The following TRPM3 variants were observed in gnomAD, a reference collection of about 807,000 sequenced individuals.
The protein encoded by TRPM3 is long transient receptor potential channel 3.
In TRPM3, 77 loss-of-function variants were observed where a neutral mutation model predicts 181.2. The ratio of observed to expected loss-of-function variants is 0.42; its 90% CI spans 0.35 to 0.51. TRPM3 has a LOEUF of 0.51. Among genes scored for constraint, TRPM3 ranks in the 20% least tolerant of loss-of-function variants. The probability of loss-of-function intolerance (pLI) is 0.01; values close to 1 mark genes in which losing one functional copy is unlikely to be tolerated. For missense variants in TRPM3, 1,759 were observed against 2,196.7 expected (o/e 0.80, Z 3.98); for synonymous variants, 745 against 796.4 (o/e 0.94, Z 1.09).
intron 1 of TRPM3, among the ~76,000 whole-genome samples, chr9:70,879,471 A>G (rs543701742): frequency 6.6e-6 from 1 of 152,112 alleles, no homozygotes; most frequent in East Asian, 1.9e-4. Flanking sequence ...TGGACTTCTA[A>G]GTACTTTGTT....
At chr9:71,109,465 C>T (rs139520663) in intron 1 of TRPM3, among the ~76,000 whole-genome samples, 3,621 of 152,096 alleles carry the variant, frequency 0.024, 155 homozygotes, top group Admixed American at 0.11. Context: ...TTGAAAGGAA[C>T]GGAATTCATA....
intron 1 of TRPM3, among the ~76,000 whole-genome samples, chr9:71,413,057 T>C (rs939609570): frequency 6.6e-6 from 1 of 152,034 alleles, no homozygotes; most frequent in Non-Finnish European, 1.5e-5. Context: ...ATGAGAACAC[T>C]TGGACACAGG....
At chr9:70,940,709 T>C (rs556991713) in intron 1 of TRPM3, among the ~76,000 whole-genome samples, 1 of 152,322 alleles carries the variant, frequency 6.6e-6, no homozygotes, top group South Asian at 2.1e-4. Context: ...GGAGATGGCA[T>C]TGGAACTAAC....
chr9:71,363,097 G>T (rs537287811), intron 1 of TRPM3, among the ~76,000 whole-genome samples: 3 of 152,286 alleles, frequency 2.0e-5, no homozygotes, highest in South Asian at 2.1e-4. Context: ...TGTACTAATG[G>T]TCCTTCATAC....
At chr9:71,053,271 A>T (rs2060271244) in intron 1 of TRPM3, among the ~76,000 whole-genome samples, 1 of 152,000 alleles carries the variant, frequency 6.6e-6, no homozygotes, top group African/African-American at 2.4e-5. Flanking sequence ...ATGCTAGGCT[A>T]CTAAGCTAAC....
chr9:70,563,821 T>C (rs1215495841), intron 22 of TRPM3, among the ~76,000 whole-genome samples: 5 of 152,192 alleles, frequency 3.3e-5, no homozygotes, highest in African/African-American at 1.2e-4. Context: ...AGTGTGGTCA[T>C]GTCTTCTGAT....
chr9:71,098,135 T>A (rs1189943460), intron 1 of TRPM3, among the ~76,000 whole-genome samples: 2 of 152,154 alleles, frequency 1.3e-5, no homozygotes, highest in African/African-American at 2.4e-5. Flanking sequence ...TATTTACTTA[T>A]CTCTTATTAG....
chr9:70,873,421 G>A (rs2095822484), intron 1 of TRPM3, among the ~76,000 whole-genome samples: 1 of 151,956 alleles, frequency 6.6e-6, no homozygotes, highest in Admixed American at 6.6e-5. Context: ...AGCATCTAAA[G>A]TCTGGCTCTG....
intron 1 of TRPM3, among the ~76,000 whole-genome samples, chr9:71,177,452 G>A (rs2077164499): frequency 6.6e-6 from 1 of 152,082 alleles, no homozygotes; most frequent in South Asian, 2.1e-4. Flanking sequence ...GCATAGCCTA[G>A]GCTATACCAT....
At chr9:70,545,648 G>C (rs1255862065) in intron 25 of TRPM3, among the ~76,000 whole-genome samples, 1 of 151,144 alleles carries the variant, frequency 6.6e-6, no homozygotes, top group Non-Finnish European at 1.5e-5. Flanking sequence ...CCGGGTTCAA[G>C]CGATTTTCCT....
chr9:71,232,489 G>GTTTTTT (rs1565367207), intron 1 of TRPM3, among the ~76,000 whole-genome samples: 3 of 89,960 alleles, frequency 3.3e-5, no homozygotes, highest in Non-Finnish European at 6.6e-5. Context: ...TGAATTCAGT[G>GTTTTTT]TCTTTTTTTT....
chr9:71,182,474 C>T (rs1365125263), intron 1 of TRPM3, among the ~76,000 whole-genome samples: 1 of 152,070 alleles, frequency 6.6e-6, no homozygotes, highest in Non-Finnish European at 1.5e-5. Flanking sequence ...TTTCTTCCCC[C>T]TTAACTTGGC....
chr9:70,640,062 T>A (rs1334539422), intron 10 of TRPM3, among the ~76,000 whole-genome samples: 1 of 152,152 alleles, frequency 6.6e-6, no homozygotes, highest in Non-Finnish European at 1.5e-5. Flanking sequence ...AGAACAGTTA[T>A]ATAAAGCATT....
intron 6 of TRPM3, among the ~76,000 whole-genome samples, chr9:70,791,939 C>G (rs568152722): frequency 1.3e-5 from 2 of 152,104 alleles, no homozygotes; most frequent in Non-Finnish European, 1.5e-5. Context: ...TGGGGCATTG[C>G]CTTCTTGCTT....
intron 1 of TRPM3, among the ~76,000 whole-genome samples, chr9:71,136,037 A>G (rs61198146): frequency 0.037 from 5,658 of 152,334 alleles, 372 homozygotes; most frequent in African/African-American, 0.13. Context: ...ATTTAATTCA[A>G]TCAATTCCTC....
intron 1 of TRPM3, among the ~76,000 whole-genome samples, chr9:71,438,098 G>A (rs2131647419): frequency 6.6e-6 from 1 of 152,264 alleles, no homozygotes; most frequent in East Asian, 1.9e-4. Flanking sequence ...AGAAACATCT[G>A]AGATGACACC....
intron 1 of TRPM3, among the ~76,000 whole-genome samples, chr9:71,193,954 A>T (rs1386121908): frequency 6.6e-6 from 1 of 151,970 alleles, no homozygotes; most frequent in Non-Finnish European, 1.5e-5. Context: ...AAACCATCAA[A>T]GTTAGGTAAA....
intron 1 of TRPM3, among the ~76,000 whole-genome samples, chr9:71,418,928 G>GTATATA (rs368413842): frequency 2.8e-5 from 4 of 144,694 alleles, no homozygotes; most frequent in African/African-American, 7.6e-5. Context: ...GTGTGTGTGT[G>GTATATA]TATATATATA....
intron 1 of TRPM3, among the ~76,000 whole-genome samples, chr9:71,118,144 T>C (rs1465790320): frequency 6.6e-6 from 1 of 152,168 alleles, no homozygotes; most frequent in Non-Finnish European, 1.5e-5. Flanking sequence ...AGGGTCCCAT[T>C]TGAAATTTAC....
Sources: allele counts gnomAD v4.1 joint callset (sites outside exome capture counted in the v4.1 genomes callset), GRCh38; gene constraint gnomAD v4.1.1; transcripts MANE v1.5; gene names NCBI Gene and HGNC (gene_info 2026-07-23, HGNC 2026-07-21).